Variants in LRRC8D observed in about 807,000 individuals in gnomAD.
LRRC8D encodes the protein volume-regulated anion channel subunit LRRC8D.
LRRC8D carries 20 observed loss-of-function variants against 55.8 expected under a neutral mutation model. That is an observed-to-expected ratio of 0.36 (90% CI 0.25 to 0.52). The LOEUF is 0.52. Among genes scored for constraint, LRRC8D ranks in the 20% least tolerant of loss-of-function variants. LRRC8D has a pLI of 0.93. For synonymous variants in LRRC8D, 352 were observed against 377.0 expected, an observed-to-expected ratio of 0.93 and a Z score of 0.77; for missense variants, 651 against 1,030.8, an observed-to-expected ratio of 0.63 and a Z score of 5.05.
At chr1:89,842,707 C>A (rs1192140728) in intron 1 of LRRC8D, among the ~76,000 whole-genome samples, 1 of 152,214 alleles carries the variant, frequency 6.6e-6, no homozygotes, top group Non-Finnish European at 1.5e-5. Context: ...ACTCTACATA[C>A]AGCAGATTCT....
intron 2 of LRRC8D, among the ~76,000 whole-genome samples, chr1:89,932,233 T>C (rs570950613): frequency 1.3e-5 from 2 of 152,344 alleles, no homozygotes; most frequent in Admixed American, 1.3e-4. Flanking sequence ...AGATCGTATG[T>C]CTTCCTGGTG....
intron 2 of LRRC8D, among the ~76,000 whole-genome samples, chr1:89,888,400 T>C (rs1662478845): frequency 6.6e-6 from 1 of 152,240 alleles, no homozygotes; most frequent in South Asian, 2.1e-4. Flanking sequence ...AAATGATCCA[T>C]GTGGTAATGG....
At chr1:89,915,404 G>T (rs1426356805) in intron 2 of LRRC8D, among the ~76,000 whole-genome samples, 1 of 152,144 alleles carries the variant, frequency 6.6e-6, no homozygotes, top group Non-Finnish European at 1.5e-5. Context: ...ATAATGATCC[G>T]TGTTTACTGT....
At chr1:89,858,289 A>T (rs1209125327) in intron 2 of LRRC8D, among the ~76,000 whole-genome samples, 2 of 152,166 alleles carry the variant, frequency 1.3e-5, no homozygotes, top group Non-Finnish European at 2.9e-5. Flanking sequence ...TGCTGTTATG[A>T]AATATCTCCT....
chr1:89,885,544 C>T (rs892871087), intron 2 of LRRC8D, among the ~76,000 whole-genome samples: 2 of 152,062 alleles, frequency 1.3e-5, no homozygotes, highest in Non-Finnish European at 2.9e-5. Context: ...AGGATAGTAC[C>T]AGCGCATTTA....
intron 2 of LRRC8D, among the ~76,000 whole-genome samples, chr1:89,879,472 G>A (rs1481499554): frequency 6.6e-6 from 1 of 152,198 alleles, no homozygotes; most frequent in East Asian, 1.9e-4. Context: ...TAGAGATGTT[G>A]AAATGGATAG....
chr1:89,909,609 G>A (rs1312502961), intron 2 of LRRC8D, among the ~76,000 whole-genome samples: 1 of 152,148 alleles, frequency 6.6e-6, no homozygotes, highest in East Asian at 1.9e-4. Flanking sequence ...GCTCACGCCT[G>A]TAATCCCAGC....
chr1:89,826,753 A>G (rs1427283432), intron 1 of LRRC8D, among the ~76,000 whole-genome samples: 2 of 152,154 alleles, frequency 1.3e-5, no homozygotes, highest in South Asian at 4.1e-4. Context: ...AATTGATCTA[A>G]AAGAAGGAAC....
chr1:89,880,770 C>G (rs1381941728), intron 2 of LRRC8D, among the ~76,000 whole-genome samples: 2 of 152,226 alleles, frequency 1.3e-5, no homozygotes, highest in Admixed American at 1.3e-4. Flanking sequence ...AGTCTTTGAA[C>G]TGATCTATTC....
intron 2 of LRRC8D, among the ~76,000 whole-genome samples, chr1:89,871,558 T>C (rs1662007847): frequency 6.6e-6 from 1 of 152,258 alleles, no homozygotes; most frequent in South Asian, 2.1e-4. Context: ...TTACATATGG[T>C]ATAATTACTC....
intron 2 of LRRC8D, among the ~76,000 whole-genome samples, chr1:89,900,612 G>C (rs986934153): frequency 2.6e-5 from 4 of 152,148 alleles, no homozygotes; most frequent in South Asian, 4.1e-4. Context: ...GCACTTACTG[G>C]AAGTATCTCT....
At chr1:89,845,100 A>T (rs1461020424) in intron 2 of LRRC8D, among the ~76,000 whole-genome samples, 1 of 152,210 alleles carries the variant, frequency 6.6e-6, no homozygotes, top group Non-Finnish European at 1.5e-5. Context: ...CCATCTAAGG[A>T]GTCAGGGTTA....
At position 89,860,809 on chromosome 1, in the gene LRRC8D, T is replaced by TAC. The variant is rs1553123943; in HGVS notation, c.-3+17035_-3+17036dup. Among the ~76,000 whole-genome samples the TAC allele has an allele frequency of 1.7e-3, 184 of 105,514 alleles. 3 individuals carry two copies. The highest frequency in any genetic ancestry group is 5.9e-3 in the African/African-American group (154 of 26,320). The allele number at this position is 105,514 out of a possible 152,430, so 69.2% of individuals were successfully genotyped here. On this transcript the variant is annotated intron_variant, in intron 2 of 2. Coordinates refer to ENST00000337338, the MANE Select transcript of LRRC8D (RefSeq NM_001134479.2). ...AAATATATATATATATATATATATATACACACACAGACGCATTTTGTACGT... is the reference window on the plus strand; with the variant it reads ...AAATATATATATATATATATATATATACACACACACAGACGCATTTTGTACGT...
intron 2 of LRRC8D, among the ~76,000 whole-genome samples, chr1:89,885,252 T>C (rs1029980978): frequency 1.3e-5 from 2 of 152,202 alleles, no homozygotes; most frequent in African/African-American, 4.8e-5. Flanking sequence ...ACCTTAGACA[T>C]AGAATGAACT....
Position 89,935,623 on chromosome 1 carries a change from T to C in LRRC8D, c.2555T>C (p.Ile852Thr). The change falls in exon 3 of 3, where the codon ATT becomes ACT. Residue 852 changes from isoleucine (I) to threonine (T), a missense_variant. Ile to Thr is a moderately conservative substitution (Grantham distance 89, BLOSUM62 -1). Coordinates refer to ENST00000337338, the MANE Select transcript of LRRC8D (RefSeq NM_001134479.2). ...VKEALNQDIN[I>T]PFANGI The stretch of plus-strand genomic sequence containing the variant: ...GAGGCATTGAATCAAGACATAAATA[T>C]TCCCTTTGCAAATGGGATTTAAACT... 2 of 1,613,794 alleles carry C rather than the reference T, an allele frequency of 1.2e-6. No individual in the cohort carries two copies. Among genetic ancestry groups the C allele is most frequent in the Non-Finnish European group, 1.7e-6 (2 of 1,179,834 alleles).
chr1:89,845,825 T>A (rs1661260800), intron 2 of LRRC8D, among the ~76,000 whole-genome samples: 1 of 151,452 alleles, frequency 6.6e-6, no homozygotes, highest in Non-Finnish European at 1.5e-5. Flanking sequence ...CTTGTTGCCC[T>A]GGCTGGAGTG....
chr1:89,851,295 C>G (rs1308555618), intron 2 of LRRC8D, among the ~76,000 whole-genome samples: 2 of 152,088 alleles, frequency 1.3e-5, no homozygotes, highest in Non-Finnish European at 2.9e-5. Flanking sequence ...TCTTGAAAGT[C>G]TCTTAATTAC....
Position 89,919,591 on chromosome 1 carries a change from G to A in LRRC8D, c.-2-13476G>A, listed in dbSNP as rs149265942. The stretch of plus-strand genomic sequence containing the variant: ...CAGGGAATTTAAAAATGCAAGCAAA[G>A]CTCCCATTACAAATCCTACTAACTG... On this transcript the variant is annotated intron_variant, in intron 2 of 2. Transcript: ENST00000337338. Among the ~76,000 whole-genome samples the A allele has an allele frequency of 3.3e-5, 5 of 152,226 alleles. No individual in the cohort carries two copies. In the South Asian group the frequency reaches 8.3e-4, roughly 25 times the overall value.
intron 1 of LRRC8D, among the ~76,000 whole-genome samples, chr1:89,834,000 C>T (rs1234174701): frequency 1.3e-5 from 2 of 152,182 alleles, no homozygotes; most frequent in Non-Finnish European, 2.9e-5. Flanking sequence ...GGCAGCGACA[C>T]TGTGGCTGCA....
Sources: allele counts gnomAD v4.1 joint callset (sites outside exome capture counted in the v4.1 genomes callset), GRCh38; gene constraint gnomAD v4.1.1; transcripts MANE v1.5; gene names NCBI Gene and HGNC (gene_info 2026-07-23, HGNC 2026-07-21).